Variants in PRLR observed in about 807,000 individuals in gnomAD.
PRLR encodes the protein prolactin receptor.
Under a neutral mutation model 40.2 loss-of-function variants are expected in PRLR, and 13 were observed. The ratio of observed to expected loss-of-function variants is 0.32; its 90% CI spans 0.21 to 0.51. The LOEUF (loss-of-function observed/expected upper bound fraction) is 0.51. PRLR is among the 20% of genes least tolerant of loss of function. PRLR has a pLI of 0.97. For missense variants in PRLR, 656 were observed against 747.3 expected, an observed-to-expected ratio of 0.88 and a Z score of 1.42; for synonymous variants, 269 against 278.7, an observed-to-expected ratio of 0.97 and a Z score of 0.35.
At chr5:35,126,916 T>C (rs376367304) in intron 1 of PRLR, among the ~76,000 whole-genome samples, 1 of 152,352 alleles carries the variant, frequency 6.6e-6, no homozygotes, top group African/African-American at 2.4e-5. Context: ...GGCTAAATAC[T>C]GGCTCAATGT....
At chr5:35,208,795 G>C (rs1390545845) in intron 1 of PRLR, among the ~76,000 whole-genome samples, 1 of 151,988 alleles carries the variant, frequency 6.6e-6, no homozygotes, top group East Asian at 1.9e-4. Context: ...TTAAGAAAAT[G>C]TTGAGAGTCA....
intron 1 of PRLR, among the ~76,000 whole-genome samples, chr5:35,123,828 C>T (rs192745066): frequency 1.3e-5 from 2 of 152,288 alleles, no homozygotes; most frequent in Admixed American, 6.5e-5. Flanking sequence ...CCTCCCACCC[C>T]CATCAGGGAA....
At chr5:35,090,381 T>C (rs949819901) in intron 2 of PRLR, among the ~76,000 whole-genome samples, 3 of 152,174 alleles carry the variant, frequency 2.0e-5, no homozygotes, top group Non-Finnish European at 4.4e-5. Context: ...TTATTAATAC[T>C]AATATTATTA....
chr5:35,177,504 CT>C (rs1236334956), intron 1 of PRLR, among the ~76,000 whole-genome samples: 1 of 151,976 alleles, frequency 6.6e-6, no homozygotes, highest in Non-Finnish European at 1.5e-5. Context: ...CACTCATCTA[CT>C]TTTTGTCTGT....
At chr5:35,148,620 A>C (rs1259678553) in intron 1 of PRLR, among the ~76,000 whole-genome samples, 1 of 152,172 alleles carries the variant, frequency 6.6e-6, no homozygotes, top group Non-Finnish European at 1.5e-5. Context: ...CGTTTACCTG[A>C]TACGATTGTT....
At chr5:35,107,896 C>T (rs1211845447) in intron 2 of PRLR, among the ~76,000 whole-genome samples, 1 of 152,160 alleles carries the variant, frequency 6.6e-6, no homozygotes, top group African/African-American at 2.4e-5. Flanking sequence ...CATCCTGATA[C>T]CAAATCCTGG....
intron 2 of PRLR, 121 bp from the exon 3 acceptor site, chr5:35,089,784 G>A: frequency 1.6e-6 from 1 of 627,378 alleles, no homozygotes; most frequent in South Asian, 1.9e-5. Context: ...TGACAAAATA[G>A]GAGGAAAGGA....
chr5:35,205,290 A>T lies in PRLR; in HGVS notation c.-106+24978T>A, dbSNP rs150249002. ...GGAGGAGGGAGAAGGAAAATTCTAG[A>T]TAATACCAAACTCCAAGACCTACAG... is the stretch of plus-strand genomic sequence containing the variant. On this transcript the variant is annotated intron_variant, in intron 1 of 9. Transcript: ENST00000618457. Among the ~76,000 whole-genome samples the T allele has an allele frequency of 7.0e-3, 1,063 of 152,226 alleles. 7 individuals carry two copies. The highest frequency in any genetic ancestry group is 0.026 in the South Asian group (126 of 4,814).
intron 3 of PRLR, among the ~76,000 whole-genome samples, chr5:35,087,235 C>T (rs2112466293): frequency 6.6e-6 from 1 of 152,200 alleles, no homozygotes; most frequent in South Asian, 2.1e-4. Flanking sequence ...CGTGCTCTGC[C>T]CACCTTGGCC....
At chr5:35,211,428 G>A (rs1035467359) in intron 1 of PRLR, among the ~76,000 whole-genome samples, 1 of 152,192 alleles carries the variant, frequency 6.6e-6, no homozygotes, top group Non-Finnish European at 1.5e-5. Context: ...AAGAGGATGA[G>A]GAAGTGGGGG....
intron 2 of PRLR, among the ~76,000 whole-genome samples, chr5:35,096,014 C>A (rs914106645): frequency 1.3e-5 from 2 of 152,140 alleles, no homozygotes; most frequent in African/African-American, 4.8e-5. Flanking sequence ...TCAAGAGGAG[C>A]GCATGTGCTG....
chr5:35,154,008 A>G (rs1006243059), intron 1 of PRLR, among the ~76,000 whole-genome samples: 4 of 152,198 alleles, frequency 2.6e-5, no homozygotes, highest in African/African-American at 4.8e-5. Flanking sequence ...TGATTCCTTT[A>G]ATTGGTTTTG....
In PRLR at chr5:35,186,382, A is replaced by C. The variant is rs77270906; in HGVS notation, c.-106+43886T>G. ...CCTCTCCTCGAGGTTGTCCCTCAGCATGACGCTGACTGATGTTCATCAAGA... is the reference window on the plus strand; with the variant it reads ...CCTCTCCTCGAGGTTGTCCCTCAGCCTGACGCTGACTGATGTTCATCAAGA... On this transcript the variant is annotated intron_variant, in intron 1 of 9. Transcript: ENST00000618457. Among the ~76,000 whole-genome samples the C allele has an allele frequency of 5.7e-3, 869 of 152,324 alleles. 15 individuals carry two copies. The highest frequency in any genetic ancestry group is 0.02 in the African/African-American group (830 of 41,564).
intron 1 of PRLR, among the ~76,000 whole-genome samples, chr5:35,154,225 A>G (rs1057072537): frequency 2.6e-5 from 4 of 152,322 alleles, no homozygotes; most frequent in Non-Finnish European, 5.9e-5. Flanking sequence ...AGGCAAAGGT[A>G]TCTGACTTCT....
Position 35,065,884 on chromosome 5 carries a change from G to A in PRLR, c.1074C>T (p.Ser358=), listed in dbSNP as rs954120195. 11 of 1,614,002 alleles carry A rather than the reference G, an allele frequency of 6.8e-6. No individual in the cohort carries two copies. The highest frequency in any genetic ancestry group is 1.1e-5 in the South Asian group (1 of 91,084). The change falls in exon 10 of 10, where the codon TCC becomes TCT. Residue 358 remains serine (S), a synonymous_variant. Transcript: ENST00000618457. ...GTTCCTCACACTTTTCAGACAAAAG[G>A]GAAGGGCTGTCACAGCTCCCCCGGC... ...DSGRGSCDSP[S]LLSEKCEEPQ...
chr5:35,153,717 TACACAC>T lies in PRLR; in HGVS notation c.-105-35601_-105-35596del, dbSNP rs35934860. Among the ~76,000 whole-genome samples, 6 of 143,392 alleles carry T rather than the reference TACACAC, an allele frequency of 4.2e-5. No individual in the cohort carries two copies. In the East Asian group the frequency reaches 5.9e-4, roughly 14 times the overall value. 94.1% of individuals were successfully genotyped at this position (143,392 alleles called of 152,430 possible). On this transcript the variant is annotated intron_variant, in intron 1 of 9. Transcript: ENST00000618457. The stretch of plus-strand genomic sequence containing the variant: ...CTCTGCCAACTGTTCCCCACCATTG[TACACAC>T]ACACACACACACACACTGCACACAC...
intron 1 of PRLR, among the ~76,000 whole-genome samples, chr5:35,170,792 T>G (rs186753045): frequency 6.6e-6 from 1 of 152,346 alleles, no homozygotes; most frequent in East Asian, 1.9e-4. Context: ...AAACATCTAT[T>G]GTGAGCACAG....
At chr5:35,163,049 C>T (rs1774722650) in intron 1 of PRLR, among the ~76,000 whole-genome samples, 1 of 152,100 alleles carries the variant, frequency 6.6e-6, no homozygotes, top group African/African-American at 2.4e-5. Flanking sequence ...GGGAGGAATA[C>T]ACACTGGGGT....
chr5:35,086,112 T>G, intron 4 of PRLR, 96 bp downstream of exon 4: 1 of 1,470,556 alleles, frequency 6.8e-7, no homozygotes. Context: ...CTGGTGTAAA[T>G]TCAGGGATGT....
Sources: gnomAD v4.1 joint callset for allele counts (sites outside exome capture counted in the v4.1 genomes callset) on GRCh38, gnomAD v4.1.1 for gene constraint, MANE v1.5 for transcripts, NCBI Gene and HGNC (gene_info 2026-07-23, HGNC 2026-07-21) for gene names.